Variants in DIP2C observed in about 807,000 individuals in gnomAD.
DIP2C encodes disco-interacting protein 2 homolog C.
A neutral mutation model predicts 192.4 loss-of-function variants in DIP2C; 33 were observed. That is an observed-to-expected ratio of 0.17 (90% CI 0.13 to 0.23). The LOEUF is 0.23. Among genes scored for constraint, DIP2C ranks in the 10% least tolerant of loss-of-function variants. The pLI is 1.00. For missense variants in DIP2C, 1,537 were observed against 2,110.1 expected (o/e 0.73, Z 5.32); for synonymous variants, 979 against 864.1 (o/e 1.13, Z -2.33).
chr10:657,826 A>C (rs1469268557), intron 1 of DIP2C, among the ~76,000 whole-genome samples: 45 of 85,608 alleles, frequency 5.3e-4, no homozygotes, highest in Admixed American at 7.5e-4. Context: ...GCTGGACTTG[A>C]CCCTGGACCT....
intron 14 of DIP2C, among the ~76,000 whole-genome samples, chr10:386,182 T>A (rs1350159592): frequency 2.0e-5 from 3 of 152,188 alleles, no homozygotes; most frequent in Non-Finnish European, 4.4e-5. Flanking sequence ...GATGTAGCTG[T>A]CTGTTCTTTG....
intron 3 of DIP2C, among the ~76,000 whole-genome samples, chr10:448,255 G>A (rs1968471708): frequency 7.5e-6 from 1 of 132,526 alleles, no homozygotes; most frequent in African/African-American, 3.8e-5. Flanking sequence ...TGGGGCAGCA[G>A]GACCCACTCA....
At chr10:281,423 C>T in intron 35 of DIP2C, 100 bp from the exon 36 acceptor site, 2 of 1,461,340 alleles carry the variant, frequency 1.4e-6, no homozygotes, top group Non-Finnish European at 1.8e-6. Flanking sequence ...CCAAGTGAGA[C>T]AGGGATGCAA....
Position 274,216 on chromosome 10 carries a change from TTAGA to T in DIP2C, c.*3105_*3108del, listed in dbSNP as rs1192197774. ...TGCAGCAAAATGTGAACAAATATAT[TTAGA>T]TATATTTAAAAGAATTAAAAAAAAC... On this transcript the variant is annotated 3_prime_UTR_variant, in exon 37 of 37. Coordinates refer to ENST00000280886, the MANE Select transcript of DIP2C (RefSeq NM_014974.3). 6.6e-6 allele frequency: 1 copy of T among 152,084 alleles called. No homozygotes were observed. The highest frequency in any genetic ancestry group is 6.6e-5 in the Admixed American group (1 of 15,256). The allele number at this position is 152,084 out of a possible 1,614,324, so 9.4% of individuals were successfully genotyped here.
At chr10:409,532 CCT>C (rs1268097176) in intron 8 of DIP2C, among the ~76,000 whole-genome samples, 2 of 152,208 alleles carry the variant, frequency 1.3e-5, no homozygotes, top group East Asian at 1.9e-4. Context: ...AAACAAATCC[CCT>C]CTTAGTGCAT....
intron 3 of DIP2C, among the ~76,000 whole-genome samples, chr10:464,095 C>T (rs911966823): frequency 2.0e-5 from 3 of 152,128 alleles, no homozygotes; most frequent in African/African-American, 7.2e-5. Flanking sequence ...CCAAAGACTT[C>T]AATACTAAAA....
chr10:403,906 C>A (rs376784754), intron 9 of DIP2C, among the ~76,000 whole-genome samples: 643 of 46,980 alleles, frequency 0.014, no homozygotes, highest in Middle Eastern at 0.027. Flanking sequence ...GTATGTGTTC[C>A]TCAGCACATG....
At chr10:314,285 G>T (rs772629866) in intron 31 of DIP2C, among the ~76,000 whole-genome samples, 2 of 152,168 alleles carry the variant, frequency 1.3e-5, no homozygotes, top group Non-Finnish European at 2.9e-5. Flanking sequence ...CTTAAGCCCT[G>T]TAACAATTTC....
intron 2 of DIP2C, among the ~76,000 whole-genome samples, chr10:479,226 T>G (rs1288358273): frequency 6.6e-6 from 1 of 152,024 alleles, no homozygotes; most frequent in African/African-American, 2.4e-5. Context: ...GGTAAGAAAT[T>G]TAATAATTTT....
chr10:642,774 G>A (rs564437527), intron 1 of DIP2C, among the ~76,000 whole-genome samples: 13 of 152,370 alleles, frequency 8.5e-5, no homozygotes, highest in East Asian at 5.8e-4. Context: ...CCCTTCATGC[G>A]TCTGTACCCT....
chr10:674,789 T>TATATATATATATATATATAGAGAGAG, intron 1 of DIP2C, among the ~76,000 whole-genome samples: 2 of 62,480 alleles, frequency 3.2e-5, no homozygotes, highest in African/African-American at 1.8e-4. Context: ...TATATATATA[T>TATATATATATATATATATAGAGAGAG]AGAGAGAGAG....
At chr10:327,272 A>G in intron 30 of DIP2C, 96 bp from the exon 31 acceptor site, 7 of 1,405,170 alleles carry the variant, frequency 5.0e-6, no homozygotes, top group Non-Finnish European at 5.7e-6. Flanking sequence ...TAAACATTGG[A>G]AAACTCAACA....
intron 1 of DIP2C, chr10:641,921 G>A (rs1003696673): frequency 3.3e-5 from 5 of 152,174 alleles, no homozygotes; most frequent in African/African-American, 7.2e-5. Context: ...TACTCAGGGG[G>A]CTGAGGTGGG....
At chr10:420,580 G>A (rs181626934) in intron 5 of DIP2C, among the ~76,000 whole-genome samples, 2 of 152,204 alleles carry the variant, frequency 1.3e-5, no homozygotes, top group African/African-American at 4.8e-5. Flanking sequence ...GTGTGAAAAC[G>A]CTGGACACAG....
In DIP2C at chr10:650,107, G is replaced by T. The variant is rs750123099; in HGVS notation, c.85+39387C>A. ...AGAAAATAGCTTGACACCTCCTGCG[G>T]CCCATGGAGTCCTCCCGTTGGGACA... On this transcript the variant is annotated intron_variant, in intron 1 of 36. Transcript: ENST00000280886. 12 of 716,974 alleles carry T rather than the reference G, an allele frequency of 1.7e-5. No homozygotes were observed. The African/African-American group carries it at 1.9e-4, about 11-fold the overall frequency. 44.4% of individuals were successfully genotyped at this position (716,974 alleles called of 1,614,324 possible). A position where few individuals can be genotyped will look rare whatever the true frequency, so the allele number is the denominator to read the frequency against.
chr10:560,504 C>G (rs1257065534), intron 1 of DIP2C, among the ~76,000 whole-genome samples: 2 of 152,312 alleles, frequency 1.3e-5, no homozygotes, highest in Admixed American at 1.3e-4. Context: ...GCAGTGAACA[C>G]GTGAATCAGT....
chr10:286,411 C>A, intron 33 of DIP2C, 64 bp from the exon 34 acceptor site: 5 of 1,406,326 alleles, frequency 3.6e-6, no homozygotes, highest in Non-Finnish European at 5.0e-6. Context: ...ACACACAAGC[C>A]AACCTCAATC....
intron 1 of DIP2C, among the ~76,000 whole-genome samples, chr10:584,478 T>A (rs1475301077): frequency 7.4e-6 from 1 of 134,814 alleles, no homozygotes; most frequent in Admixed American, 7.6e-5. Context: ...GCCCGCAACC[T>A]GGCCCCCACT....
In DIP2C at chr10:470,567, C is replaced by T. The variant is rs544884012; in HGVS notation, c.268+1872G>A. Among the ~76,000 whole-genome samples the T allele has an allele frequency of 1.1e-4, 16 of 152,254 alleles. No homozygotes were observed. In the South Asian group the frequency reaches 2.9e-3, roughly 28 times the overall value. On this transcript the variant is annotated intron_variant, in intron 3 of 36. Transcript: ENST00000280886. ...TCAGGCTTTTATCAAGAGAGAAGAC[C>T]GTGAGACAACCACAACCCGCCATGC...
Sources: gnomAD v4.1 joint callset for allele counts (sites outside exome capture counted in the v4.1 genomes callset) on GRCh38, gnomAD v4.1.1 for gene constraint, MANE v1.5 for transcripts, NCBI Gene and HGNC (gene_info 2026-07-23, HGNC 2026-07-21) for gene names.